SLC35F1: variants seen among roughly 807,000 people sequenced by gnomAD.
SLC35F1 encodes the protein solute carrier family 35 member F1.
A neutral mutation model predicts 48.7 loss-of-function variants in SLC35F1; 14 were observed. The observed-to-expected ratio is 0.29, with a 90% confidence interval of 0.19 to 0.45. SLC35F1 has a LOEUF of 0.45. Among genes scored for constraint, SLC35F1 ranks in the 20% least tolerant of loss-of-function variants. The pLI is 1.00. For missense variants in SLC35F1, 404 were observed against 500.0 expected (o/e 0.81, Z 1.83); for synonymous variants, 190 against 202.2 (o/e 0.94, Z 0.51).
chr6:117,907,510 C>G lies in SLC35F1; in HGVS notation c.-217C>G. 6.7e-6 allele frequency: 2 copies of G among 300,634 alleles called. No homozygotes were observed. The highest frequency in any genetic ancestry group is 1.2e-5 in the Non-Finnish European group (2 of 165,758). The allele number at this position is 300,634 out of a possible 1,614,324, so 18.6% of individuals were successfully genotyped here. ...GGCGGCGGCGGCGGCGGCACGGGCG[C>G]GAGGGTGCGCGCACTGGGACTGGAG... is the stretch of plus-strand genomic sequence containing the variant. On this transcript the variant is annotated 5_prime_UTR_variant, in exon 1 of 8. Coordinates refer to ENST00000360388, the MANE Select transcript of SLC35F1 (RefSeq NM_001029858.4).
intron 6 of SLC35F1, among the ~76,000 whole-genome samples, chr6:118,284,748 G>A (rs957287526): frequency 1.3e-5 from 2 of 152,094 alleles, no homozygotes; most frequent in African/African-American, 4.8e-5. Context: ...TAAAGACTAC[G>A]TAGTTATTCA....
intron 1 of SLC35F1, among the ~76,000 whole-genome samples, chr6:117,926,518 TTGTG>T (rs1776030858): frequency 6.6e-6 from 1 of 151,936 alleles, no homozygotes; most frequent in Non-Finnish European, 1.5e-5. Context: ...GTGTTTGTGT[TTGTG>T]TGTACATGTG....
At chr6:118,034,670 T>C (rs964042118) in intron 1 of SLC35F1, among the ~76,000 whole-genome samples, 2 of 152,180 alleles carry the variant, frequency 1.3e-5, no homozygotes, top group African/African-American at 4.8e-5. Flanking sequence ...AACAAAATCA[T>C]TAGAAAATTA....
intron 1 of SLC35F1, among the ~76,000 whole-genome samples, chr6:118,097,358 G>A (rs1773192150): frequency 2.0e-5 from 3 of 152,178 alleles, no homozygotes; most frequent in Admixed American, 6.5e-5. Flanking sequence ...AGGGAGAAGG[G>A]GGCTCCAGGC....
chr6:118,239,215 AG>A (rs1463560522), intron 3 of SLC35F1, among the ~76,000 whole-genome samples: 1 of 149,402 alleles, frequency 6.7e-6, no homozygotes, highest in Non-Finnish European at 1.5e-5. Flanking sequence ...TTGAATCTCT[AG>A]TACCTAGAGG....
At chr6:118,172,680 C>T (rs560558160) in intron 2 of SLC35F1, among the ~76,000 whole-genome samples, 10 of 152,120 alleles carry the variant, frequency 6.6e-5, no homozygotes, top group African/African-American at 2.2e-4. Flanking sequence ...ATGGGGATAT[C>T]TGTCAAATAA....
intron 1 of SLC35F1, among the ~76,000 whole-genome samples, chr6:118,008,413 C>T (rs1179060563): frequency 1.3e-5 from 2 of 152,130 alleles, no homozygotes; most frequent in East Asian, 3.9e-4. Flanking sequence ...CCTACCATGC[C>T]CATGCATGAC....
chr6:118,097,716 GATA>G (rs1773196733), intron 1 of SLC35F1, among the ~76,000 whole-genome samples: 1 of 152,216 alleles, frequency 6.6e-6, no homozygotes. Context: ...CGCAACAGCT[GATA>G]ATGCCACAGT....
intron 1 of SLC35F1, among the ~76,000 whole-genome samples, chr6:117,910,862 C>T (rs541237190): frequency 2.0e-5 from 3 of 152,298 alleles, no homozygotes; most frequent in African/African-American, 4.8e-5. Flanking sequence ...CAAACACATA[C>T]GCTATCTATA....
At chr6:117,962,168 C>T (rs17821187) in intron 1 of SLC35F1, among the ~76,000 whole-genome samples, 5,615 of 152,234 alleles carry the variant, frequency 0.037, 145 homozygotes, top group Middle Eastern at 0.065. Context: ...AATCCATTGC[C>T]AGACTAAGAT....
chr6:118,184,975 T>C (rs1000027984), intron 2 of SLC35F1, among the ~76,000 whole-genome samples: 3 of 152,156 alleles, frequency 2.0e-5, no homozygotes, highest in African/African-American at 4.8e-5. Flanking sequence ...CACCACCAAA[T>C]TGCACCTGCT....
chr6:118,021,807 G>A (rs887987033), intron 1 of SLC35F1, among the ~76,000 whole-genome samples: 7 of 152,256 alleles, frequency 4.6e-5, no homozygotes, highest in African/African-American at 7.2e-5. Context: ...GGGGCCACTC[G>A]TCTGGCTGCA....
intron 1 of SLC35F1, among the ~76,000 whole-genome samples, chr6:118,098,546 C>A (rs1027381258): frequency 6.6e-6 from 1 of 152,154 alleles, no homozygotes; most frequent in Non-Finnish European, 1.5e-5. Flanking sequence ...GTTTCCCTTT[C>A]TTTGTACCTC....
chr6:117,965,558 CA>C (rs1776550745), intron 1 of SLC35F1, among the ~76,000 whole-genome samples: 3 of 152,176 alleles, frequency 2.0e-5, no homozygotes, highest in Admixed American at 2.0e-4. Context: ...CCTCCCTCCC[CA>C]AAAGGATTCT....
chr6:118,310,705 A>C (rs984521196), intron 7 of SLC35F1, among the ~76,000 whole-genome samples: 1 of 152,122 alleles, frequency 6.6e-6, no homozygotes, highest in African/African-American at 2.4e-5. Flanking sequence ...ATCCCATGCT[A>C]TCTATCTTTG....
At chr6:117,991,125 C>T (rs1339177578) in intron 1 of SLC35F1, among the ~76,000 whole-genome samples, 2 of 152,084 alleles carry the variant, frequency 1.3e-5, no homozygotes, top group East Asian at 1.9e-4. Context: ...TATTCAAGGT[C>T]GTGAAGCAAT....
chr6:118,118,077 T>C (rs1458766008), intron 1 of SLC35F1, among the ~76,000 whole-genome samples: 2 of 152,206 alleles, frequency 1.3e-5, no homozygotes, highest in African/African-American at 2.4e-5. Flanking sequence ...TCTGTTTTCA[T>C]TCCTATCTAG....
At chr6:117,940,232 A>G (rs1447361350) in intron 1 of SLC35F1, among the ~76,000 whole-genome samples, 8 of 152,206 alleles carry the variant, frequency 5.3e-5, no homozygotes, top group Non-Finnish European at 1.2e-4. Flanking sequence ...GGGATCAAAA[A>G]CAACAAAACA....
chr6:117,941,559 C>G (rs1417871263), intron 1 of SLC35F1, among the ~76,000 whole-genome samples: 1 of 152,140 alleles, frequency 6.6e-6, no homozygotes, highest in Non-Finnish European at 1.5e-5. Flanking sequence ...GACATCTTAC[C>G]TAGTTGTGAC....
Sources: gnomAD v4.1 joint callset for allele counts (sites outside exome capture counted in the v4.1 genomes callset) on GRCh38, gnomAD v4.1.1 for gene constraint, MANE v1.5 for transcripts, NCBI Gene and HGNC (gene_info 2026-07-23, HGNC 2026-07-21) for gene names.